The following NSMCE2 variants were observed in gnomAD, a reference collection of about 807,000 sequenced individuals.
NSMCE2 encodes NSE2 SUMO ligase component of SMC5/6 complex.
NSMCE2 carries 24 observed loss-of-function variants against 23.8 expected under a neutral mutation model. That is an observed-to-expected ratio of 1.01 (90% CI 0.73 to 1.42). NSMCE2 has a LOEUF of 1.42. Among genes scored for constraint, NSMCE2 ranks in the 40% most tolerant of loss-of-function variants. NSMCE2 has a pLI of 0.00. For missense variants in NSMCE2, 284 were observed against 296.5 expected, an observed-to-expected ratio of 0.96 and a Z score of 0.31; for synonymous variants, 92 against 94.1, an observed-to-expected ratio of 0.98 and a Z score of 0.13.
chr8:125,315,427 C>T (rs1829141870), intron 5 of NSMCE2, among the ~76,000 whole-genome samples: 1 of 152,194 alleles, frequency 6.6e-6, no homozygotes, highest in Non-Finnish European at 1.5e-5. Flanking sequence ...GCTTTCAAAT[C>T]ACACTGACTT....
chr8:125,130,448 T>A lies in NSMCE2; in HGVS notation c.158-20723T>A, dbSNP rs969501508. On this transcript the variant is annotated intron_variant, in intron 3 of 7. Coordinates refer to ENST00000287437, the MANE Select transcript of NSMCE2 (RefSeq NM_173685.4). Reference sequence around the variant, plus strand: ...CAAGGGGACATAATTAAACTCTACCTCCTGGAGGAGTAATTATCTACATAA... The same window carrying A: ...CAAGGGGACATAATTAAACTCTACCACCTGGAGGAGTAATTATCTACATAA... 7.9e-5 allele frequency: 18 copies of A among 227,818 alleles called. No homozygotes were observed. In the Middle Eastern group the frequency reaches 4.0e-3, roughly 51 times the overall value. The allele number at this position is 227,818 out of a possible 1,614,324, so 14.1% of individuals were successfully genotyped here.
chr8:125,097,468 C>G (rs1817994626), intron 1 of NSMCE2, among the ~76,000 whole-genome samples: 1 of 152,152 alleles, frequency 6.6e-6, no homozygotes, highest in Non-Finnish European at 1.5e-5. Flanking sequence ...CGTTTACTAC[C>G]TTATGATCTT....
intron 5 of NSMCE2, among the ~76,000 whole-genome samples, chr8:125,224,928 T>G (rs1418831035): frequency 2.0e-5 from 3 of 152,188 alleles, no homozygotes; most frequent in Non-Finnish European, 4.4e-5. Context: ...GAAAAAATCT[T>G]AGAAGTTGGA....
At chr8:125,143,680 G>A (rs1044092889) in intron 3 of NSMCE2, among the ~76,000 whole-genome samples, 4 of 152,290 alleles carry the variant, frequency 2.6e-5, no homozygotes, top group Non-Finnish European at 4.4e-5. Context: ...AAAAACATCT[G>A]ATTCTGCGAT....
intron 5 of NSMCE2, among the ~76,000 whole-genome samples, chr8:125,319,373 G>A (rs1346219701): frequency 6.6e-6 from 1 of 152,104 alleles, no homozygotes; most frequent in Non-Finnish European, 1.5e-5. Flanking sequence ...TAATAAGGGA[G>A]GGAAAATCAA....
rs186105783 is a variant in NSMCE2 at position 125,174,284 on chromosome 8, G to T, written c.265-7819G>T. ...TATAATATCTCCAAGGCCTAGCATG[G>T]TTCCCACATGTGGTAGATGTTCAGT... On this transcript the variant is annotated intron_variant, in intron 4 of 7. Transcript: ENST00000287437. Among the ~76,000 whole-genome samples, 7 of 152,114 alleles carry T rather than the reference G, an allele frequency of 4.6e-5. No homozygotes were observed. The East Asian group carries it at 9.7e-4, about 21-fold the overall frequency.
intron 5 of NSMCE2, among the ~76,000 whole-genome samples, chr8:125,266,468 A>G (rs1437179238): frequency 6.6e-6 from 1 of 152,266 alleles, no homozygotes; most frequent in South Asian, 2.1e-4. Context: ...AACAAACACA[A>G]TTAACACTGT....
At chr8:125,232,962 C>T (rs2130951935) in intron 5 of NSMCE2, among the ~76,000 whole-genome samples, 1 of 152,274 alleles carries the variant, frequency 6.6e-6, no homozygotes, top group East Asian at 1.9e-4. Context: ...TGACCAACTG[C>T]ATTGCAAAAG....
chr8:125,122,185 A>G (rs1819300732), intron 3 of NSMCE2, among the ~76,000 whole-genome samples: 1 of 152,010 alleles, frequency 6.6e-6, no homozygotes, highest in African/African-American at 2.4e-5. Context: ...AAAAAAAAAA[A>G]AAAAAAAAAA....
intron 5 of NSMCE2, among the ~76,000 whole-genome samples, chr8:125,255,290 G>A (rs982707587): frequency 2.0e-5 from 3 of 152,104 alleles, no homozygotes; most frequent in Non-Finnish European, 4.4e-5. Context: ...AATGACTGTT[G>A]AGTTAAGCCA....
intron 4 of NSMCE2, among the ~76,000 whole-genome samples, chr8:125,167,645 T>G (rs185089808): frequency 6.6e-6 from 1 of 151,968 alleles, no homozygotes; most frequent in Admixed American, 6.6e-5. Flanking sequence ...AAAAAAAAAT[T>G]GCAAAGTCAA....
chr8:125,203,192 T>TA (rs562376977), intron 5 of NSMCE2, among the ~76,000 whole-genome samples: 432 of 144,842 alleles, frequency 3.0e-3, no homozygotes, highest in South Asian at 0.023. Flanking sequence ...AGTTAGCCTT[T>TA]AAAAAAAAAA....
At chr8:125,163,369 A>G (rs1821719749) in intron 4 of NSMCE2, among the ~76,000 whole-genome samples, 2 of 152,254 alleles carry the variant, frequency 1.3e-5, no homozygotes, top group African/African-American at 4.8e-5. Context: ...AGCCGTAATC[A>G]TCTTTACTTC....
At chr8:125,170,494 C>T (rs1822142919) in intron 4 of NSMCE2, among the ~76,000 whole-genome samples, 1 of 147,088 alleles carries the variant, frequency 6.8e-6, no homozygotes, top group Non-Finnish European at 1.5e-5. Context: ...GCAAACTCCA[C>T]CTCCCGGGTT....
chr8:125,095,394 G>A (rs1364706534), intron 1 of NSMCE2, among the ~76,000 whole-genome samples: 1 of 151,934 alleles, frequency 6.6e-6, no homozygotes, highest in Non-Finnish European at 1.5e-5. Context: ...TTTGAGACCA[G>A]CTTGGGCAAC....
At chr8:125,247,745 G>C (rs1019921739) in intron 5 of NSMCE2, among the ~76,000 whole-genome samples, 8 of 149,450 alleles carry the variant, frequency 5.4e-5, no homozygotes, top group Admixed American at 2.0e-4. Flanking sequence ...AAAAAGATTT[G>C]TTTCACTAAT....
At chr8:125,108,721 G>A (rs1818589168) in intron 3 of NSMCE2, among the ~76,000 whole-genome samples, 1 of 152,196 alleles carries the variant, frequency 6.6e-6, no homozygotes, top group African/African-American at 2.4e-5. Context: ...AAGAAAGATG[G>A]ATGAGTTTGG....
At chr8:125,287,069 C>A (rs1420223326) in intron 5 of NSMCE2, among the ~76,000 whole-genome samples, 1 of 152,158 alleles carries the variant, frequency 6.6e-6, no homozygotes, top group Non-Finnish European at 1.5e-5. Flanking sequence ...TGGTGGCTCA[C>A]ACCTGTAATC....
chr8:125,319,314 A>G (rs183951392), intron 5 of NSMCE2, among the ~76,000 whole-genome samples: 2 of 152,362 alleles, frequency 1.3e-5, no homozygotes, highest in East Asian at 3.9e-4. Context: ...CAATGTCTAG[A>G]TTCCAGGTAA....
Sources: gnomAD v4.1 joint callset for allele counts (sites outside exome capture counted in the v4.1 genomes callset) on GRCh38, gnomAD v4.1.1 for gene constraint, MANE v1.5 for transcripts, NCBI Gene and HGNC (gene_info 2026-07-23, HGNC 2026-07-21) for gene names.